Variants in XKR4 observed in about 807,000 individuals in gnomAD.
XKR4 encodes XK-related protein 4.
In XKR4, 12 loss-of-function variants were observed where a neutral mutation model predicts 53.9. That is an observed-to-expected ratio of 0.22 (90% CI 0.14 to 0.36). XKR4 has a LOEUF of 0.36. Ranked by LOEUF, XKR4 falls within the 10% of genes least tolerant of loss-of-function variation. The pLI, the probability that XKR4 is intolerant of heterozygous loss-of-function variation, is 1.00. For synonymous variants in XKR4, 354 were observed against 362.4 expected (o/e 0.98, Z 0.26); for missense variants, 799 against 859.5 (o/e 0.93, Z 0.88).
At chr8:55,461,906 T>A (rs933084248) in intron 2 of XKR4, among the ~76,000 whole-genome samples, 1 of 152,088 alleles carries the variant, frequency 6.6e-6, no homozygotes, top group African/African-American at 2.4e-5. Context: ...ATATGAAGCA[T>A]GAAGAGAAGT....
chr8:55,274,822 C>T (rs1256323613), intron 1 of XKR4, among the ~76,000 whole-genome samples: 1 of 152,144 alleles, frequency 6.6e-6, no homozygotes, highest in African/African-American at 2.4e-5. Flanking sequence ...TCTCCAAATA[C>T]AGTGACATTC....
intron 2 of XKR4, among the ~76,000 whole-genome samples, chr8:55,521,144 C>A (rs762436179): frequency 2.0e-5 from 3 of 152,210 alleles, no homozygotes; most frequent in Non-Finnish European, 1.5e-5. Flanking sequence ...GGGCAGAAAC[C>A]CAGCTGGGCG....
intron 1 of XKR4, among the ~76,000 whole-genome samples, chr8:55,157,519 G>A (rs943408027): frequency 1.3e-5 from 2 of 150,904 alleles, no homozygotes; most frequent in African/African-American, 4.9e-5. Context: ...AAAGAATTTT[G>A]CCTTTTAAAA....
Position 55,454,063 on chromosome 8 carries a change from C to A in XKR4, c.1007-69218C>A, listed in dbSNP as rs540588414. The A allele has an allele frequency of 1.1e-5, 9 of 831,508 alleles. No homozygotes were observed. The African/African-American group carries it at 1.5e-4, about 14-fold the overall frequency. The allele number at this position is 831,508 out of a possible 1,614,324, so 51.5% of individuals were successfully genotyped here. On this transcript the variant is annotated intron_variant, in intron 2 of 2. Transcript: ENST00000327381. Reference sequence around the variant, plus strand: ...AGCCCTGCAGCAGCTGATGGAAGAGCCGCAGCTCTTTGTCCTGCATATTCA... The same window carrying A: ...AGCCCTGCAGCAGCTGATGGAAGAGACGCAGCTCTTTGTCCTGCATATTCA...
intron 2 of XKR4, among the ~76,000 whole-genome samples, chr8:55,464,327 C>T (rs1158911990): frequency 6.6e-6 from 1 of 152,152 alleles, no homozygotes; most frequent in African/African-American, 2.4e-5. Context: ...TCAACATACA[C>T]AAATCAATAA....
At chr8:55,321,349 T>C (rs1192319916) in intron 1 of XKR4, among the ~76,000 whole-genome samples, 1 of 152,178 alleles carries the variant, frequency 6.6e-6, no homozygotes, top group Admixed American at 6.5e-5. Flanking sequence ...CTTTACAACA[T>C]GAATTACTGA....
In XKR4 at chr8:55,182,900, C is replaced by T. The variant is rs114068156; in HGVS notation, c.806+79606C>T. ...GGAAAAATTGAGGTCCTAATTATATCTCCCTAATTGTGTCTCCCAATCCAT... is the reference window on the plus strand; with the variant it reads ...GGAAAAATTGAGGTCCTAATTATATTTCCCTAATTGTGTCTCCCAATCCAT... On this transcript the variant is annotated intron_variant, in intron 1 of 2. Coordinates refer to ENST00000327381, the MANE Select transcript of XKR4 (RefSeq NM_052898.2). Among the ~76,000 whole-genome samples the T allele has an allele frequency of 4.7e-3, 709 of 151,950 alleles. 8 individuals are homozygous for T. Among genetic ancestry groups the T allele is most frequent in the African/African-American group, 0.016 (659 of 41,454 alleles).
At chr8:55,195,733 T>C (rs1464326984) in intron 1 of XKR4, among the ~76,000 whole-genome samples, 1 of 152,232 alleles carries the variant, frequency 6.6e-6, no homozygotes, top group Non-Finnish European at 1.5e-5. Context: ...GGTTTCTACT[T>C]TAAATATCAG....
chr8:55,136,778 A>G (rs1816636957), intron 1 of XKR4, among the ~76,000 whole-genome samples: 1 of 152,224 alleles, frequency 6.6e-6, no homozygotes, highest in South Asian at 2.1e-4. Flanking sequence ...AGTCTGTTAA[A>G]TCATTTTAGC....
chr8:55,136,147 C>T (rs1010639271), intron 1 of XKR4, among the ~76,000 whole-genome samples: 1 of 152,182 alleles, frequency 6.6e-6, no homozygotes, highest in Non-Finnish European at 1.5e-5. Flanking sequence ...CCCCCTTCGC[C>T]TCCCAAAGTG....
chr8:55,354,980 T>C (rs1230801408), intron 1 of XKR4, among the ~76,000 whole-genome samples: 1 of 151,384 alleles, frequency 6.6e-6, no homozygotes, highest in African/African-American at 2.4e-5. Context: ...CTCGGCTCAC[T>C]GCAACCTCCG....
chr8:55,416,651 A>C (rs1679038128), intron 2 of XKR4, among the ~76,000 whole-genome samples: 1 of 152,218 alleles, frequency 6.6e-6, no homozygotes, highest in South Asian at 2.1e-4. Flanking sequence ...GGGGGTGAAA[A>C]GAAGAGGACG....
chr8:55,183,761 T>TCA (rs1203814078), intron 1 of XKR4, among the ~76,000 whole-genome samples: 1 of 152,198 alleles, frequency 6.6e-6, no homozygotes, highest in Non-Finnish European at 1.5e-5. Flanking sequence ...TGGCAGTTAG[T>TCA]GTTGTTCAAA....
At position 55,321,507 on chromosome 8, in the gene XKR4, C is replaced by T. The variant is rs1278107498; in HGVS notation, c.807-36171C>T. On this transcript the variant is annotated intron_variant, in intron 1 of 2. Coordinates refer to ENST00000327381, the MANE Select transcript of XKR4 (RefSeq NM_052898.2). Reference sequence around the variant, plus strand: ...ACTCATCTGCACCTGAGACTATAGACCCTGGCCTTGACTCTGGGACAGCAT... The same window carrying T: ...ACTCATCTGCACCTGAGACTATAGATCCTGGCCTTGACTCTGGGACAGCAT... 6.6e-5 allele frequency among the ~76,000 whole-genome samples: 10 copies of T among 152,290 alleles called. No homozygotes were observed. The East Asian group carries it at 1.7e-3, about 26-fold the overall frequency.
intron 1 of XKR4, among the ~76,000 whole-genome samples, chr8:55,216,727 C>CAA (rs35682640): frequency 0.073 from 7,330 of 100,956 alleles, 306 homozygotes; most frequent in Non-Finnish European, 0.1. Context: ...AATTGCATCT[C>CAA]AAAAAAAAAA....
At chr8:55,133,903 T>C (rs961935340) in intron 1 of XKR4, among the ~76,000 whole-genome samples, 1 of 152,188 alleles carries the variant, frequency 6.6e-6, no homozygotes, top group Admixed American at 6.5e-5. Flanking sequence ...TTAATATTGT[T>C]AGAAGCTTCT....
At chr8:55,412,950 G>A (rs1196107407) in intron 2 of XKR4, among the ~76,000 whole-genome samples, 4 of 152,210 alleles carry the variant, frequency 2.6e-5, no homozygotes, top group African/African-American at 9.6e-5. Context: ...AGTAATTAAA[G>A]TCGCCAGCAG....
intron 1 of XKR4, among the ~76,000 whole-genome samples, chr8:55,318,652 C>T (rs1720688839): frequency 6.6e-6 from 1 of 152,152 alleles, no homozygotes; most frequent in South Asian, 2.1e-4. Flanking sequence ...CCTAACATTA[C>T]AATGAATTTT....
intron 2 of XKR4, among the ~76,000 whole-genome samples, chr8:55,511,731 T>A (rs1301792821): frequency 1.3e-5 from 2 of 152,252 alleles, no homozygotes; most frequent in African/African-American, 4.8e-5. Context: ...TCTGCACAGG[T>A]AAATAATGGC....
Sources: gnomAD v4.1 joint callset for allele counts (sites outside exome capture counted in the v4.1 genomes callset) on GRCh38, gnomAD v4.1.1 for gene constraint, MANE v1.5 for transcripts, NCBI Gene and HGNC (gene_info 2026-07-23, HGNC 2026-07-21) for gene names.